DIS3L2: variants seen among roughly 807,000 people sequenced by gnomAD.
DIS3L2 encodes the protein DIS3-like exonuclease 2.
Under a neutral mutation model 97.5 loss-of-function variants are expected in DIS3L2, and 34 were observed. The ratio of observed to expected loss-of-function variants is 0.35; its 90% CI spans 0.27 to 0.46. DIS3L2 has a LOEUF of 0.46. DIS3L2 is among the 20% of genes least tolerant of loss of function. The pLI, the probability that DIS3L2 is intolerant of heterozygous loss-of-function variation, is 1.00. For synonymous variants in DIS3L2, 435 were observed against 445.2 expected, an observed-to-expected ratio of 0.98 and a Z score of 0.29; for missense variants, 1,038 against 1,146.0, an observed-to-expected ratio of 0.91 and a Z score of 1.36.
chr2:232,025,002 TA>T (rs1694619275), intron 4 of DIS3L2, among the ~76,000 whole-genome samples: 2 of 152,154 alleles, frequency 1.3e-5, no homozygotes, highest in South Asian at 4.1e-4. Context: ...CAGGATACCA[TA>T]AATAGAATAG....
intron 12 of DIS3L2, among the ~76,000 whole-genome samples, chr2:232,257,151 A>G (rs1401522988): frequency 3.3e-5 from 5 of 152,148 alleles, no homozygotes; most frequent in African/African-American, 7.2e-5. Context: ...TCATGCCTTA[A>G]TCTTACTGTG....
intron 5 of DIS3L2, among the ~76,000 whole-genome samples, chr2:232,050,965 T>C (rs1695383999): frequency 6.6e-6 from 1 of 152,194 alleles, no homozygotes; most frequent in Non-Finnish European, 1.5e-5. Context: ...GACATTTCAA[T>C]TGCAGTTGGA....
intron 6 of DIS3L2, among the ~76,000 whole-genome samples, chr2:232,118,718 G>A (rs1167714238): frequency 6.6e-6 from 1 of 152,162 alleles, no homozygotes; most frequent in Non-Finnish European, 1.5e-5. Context: ...TGCCAATTTG[G>A]CATCAAAAGC....
At chr2:232,341,229 C>T (rs747602814), downstream of DIS3L2, among the ~76,000 whole-genome samples, 2 of 152,174 alleles carry the variant, frequency 1.3e-5, no homozygotes, top group East Asian at 1.9e-4. Flanking sequence ...CTTCAAGCTG[C>T]GGTGGGGCAA....
chr2:232,239,028 AG>A (rs1693009973), intron 11 of DIS3L2, among the ~76,000 whole-genome samples: 1 of 152,186 alleles, frequency 6.6e-6, no homozygotes, highest in South Asian at 2.1e-4. Flanking sequence ...AAGCCCTTTA[AG>A]GAAATGTTTT....
At chr2:232,314,921 A>G (rs1695229030) in intron 14 of DIS3L2, among the ~76,000 whole-genome samples, 3 of 152,212 alleles carry the variant, frequency 2.0e-5, no homozygotes, top group Admixed American at 6.5e-5. Context: ...TGTACCTGCC[A>G]CATCCATACC....
At chr2:232,045,100 G>A (rs1269082491) in intron 5 of DIS3L2, among the ~76,000 whole-genome samples, 1 of 152,172 alleles carries the variant, frequency 6.6e-6, no homozygotes, top group Admixed American at 6.5e-5. Context: ...GGGATACCCA[G>A]CTAGCTTGCA....
At chr2:232,097,790 T>C (rs756982157) in intron 6 of DIS3L2, among the ~76,000 whole-genome samples, 10 of 152,146 alleles carry the variant, frequency 6.6e-5, no homozygotes, top group Non-Finnish European at 1.0e-4. Context: ...TCTTCCTTTC[T>C]TTTTTCTCTG....
At chr2:232,193,930 A>G (rs1691680055) in intron 9 of DIS3L2, among the ~76,000 whole-genome samples, 1 of 152,114 alleles carries the variant, frequency 6.6e-6, no homozygotes, top group African/African-American at 2.4e-5. Context: ...CCAACACGGC[A>G]AAACCCTGTC....
intron 5 of DIS3L2, among the ~76,000 whole-genome samples, chr2:232,077,868 C>T (rs1696240646): frequency 6.6e-6 from 1 of 152,144 alleles, no homozygotes; most frequent in Admixed American, 6.5e-5. Context: ...AAATATTGGC[C>T]AGCCTGAACT....
At chr2:232,314,095 A>C (rs1293242352) in intron 14 of DIS3L2, among the ~76,000 whole-genome samples, 1 of 152,086 alleles carries the variant, frequency 6.6e-6, no homozygotes, top group Non-Finnish European at 1.5e-5. Context: ...CCTGATTTCC[A>C]TTGCCATGGA....
At chr2:232,267,466 A>G (rs1693881874) in intron 13 of DIS3L2, among the ~76,000 whole-genome samples, 1 of 152,186 alleles carries the variant, frequency 6.6e-6, no homozygotes, top group South Asian at 2.1e-4. Flanking sequence ...CCTTCCAGGT[A>G]GTTTCTTCTA....
intron 4 of DIS3L2, among the ~76,000 whole-genome samples, chr2:232,026,983 A>G (rs547896953): frequency 6.7e-4 from 102 of 152,316 alleles, no homozygotes; most frequent in African/African-American, 2.2e-3. Context: ...ACCTCTAGGT[A>G]ATTAAGAATA....
chr2:232,041,054 A>G (rs1481913768), intron 5 of DIS3L2, among the ~76,000 whole-genome samples: 2 of 152,230 alleles, frequency 1.3e-5, no homozygotes, highest in East Asian at 3.8e-4. Flanking sequence ...GCTTAGTGTT[A>G]GTCTCAGAAA....
chr2:231,981,637 T>TATATATATAG (rs1553596974), intron 1 of DIS3L2, among the ~76,000 whole-genome samples: 1 of 133,968 alleles, frequency 7.5e-6, no homozygotes, highest in African/African-American at 2.8e-5. Flanking sequence ...TATATATATA[T>TATATATATAG]GAGACATATT....
chr2:232,159,883 T>G (rs191977845), intron 8 of DIS3L2, among the ~76,000 whole-genome samples: 3 of 152,332 alleles, frequency 2.0e-5, no homozygotes, highest in African/African-American at 4.8e-5. Flanking sequence ...TTATATGTGT[T>G]TGTTTTTTGT....
intron 12 of DIS3L2, among the ~76,000 whole-genome samples, chr2:232,262,387 T>C (rs1276103981): frequency 6.6e-6 from 1 of 152,226 alleles, no homozygotes; most frequent in Admixed American, 6.5e-5. Context: ...GTGAAAATAA[T>C]AAAATGCACC....
chr2:232,127,028 C>T (rs151008686), intron 6 of DIS3L2, among the ~76,000 whole-genome samples: 10 of 152,162 alleles, frequency 6.6e-5, no homozygotes. Flanking sequence ...TTAACAGTGA[C>T]AGAACATTAT....
chr2:232,321,889 G>A (rs1011845208), intron 14 of DIS3L2, among the ~76,000 whole-genome samples: 1 of 152,168 alleles, frequency 6.6e-6, no homozygotes, highest in Non-Finnish European at 1.5e-5. Flanking sequence ...ATGTGTGTGC[G>A]CCTGTGCCTG....
Sources: allele counts gnomAD v4.1 joint callset (sites outside exome capture counted in the v4.1 genomes callset), GRCh38; gene constraint gnomAD v4.1.1; transcripts MANE v1.5; gene names NCBI Gene and HGNC (gene_info 2026-07-23, HGNC 2026-07-21).